Variants in ATF4 observed in about 807,000 individuals in gnomAD.
ATF4 encodes the protein activating transcription factor 4.
In ATF4, 8 loss-of-function variants were observed where a neutral mutation model predicts 21.0. The ratio of observed to expected loss-of-function variants is 0.38; its 90% CI spans 0.22 to 0.69. ATF4 has a LOEUF of 0.69. Ranked by LOEUF, ATF4 falls within the 30% of genes least tolerant of loss-of-function variation. The pLI, the probability that ATF4 is intolerant of heterozygous loss-of-function variation, is 0.49. For synonymous variants in ATF4, 241 were observed against 166.4 expected (o/e 1.45, Z -3.45); for missense variants, 549 against 425.9 (o/e 1.29, Z -2.54).
chr22:39,522,615 A>G lies in ATF4; in HGVS notation c.*13A>G. ...AAGGGTCCCCTAGTTGAGGATAGTCAGGAGCGTCAATGTGCTTGTACATAG... is the reference window on the plus strand; with the variant it reads ...AAGGGTCCCCTAGTTGAGGATAGTCGGGAGCGTCAATGTGCTTGTACATAG... On this transcript the variant is annotated 3_prime_UTR_variant, in exon 3 of 3. Transcript: ENST00000674920. 2.6e-6 allele frequency: 4 copies of G among 1,523,346 alleles called. No individual in the cohort carries two copies. Among genetic ancestry groups the G allele is most frequent in the Non-Finnish European group, 2.6e-6 (3 of 1,139,290 alleles). 94.4% of individuals were successfully genotyped at this position (1,523,346 alleles called of 1,614,324 possible).
In ATF4 at chr22:39,522,356, A is replaced by T. The variant is rs751431913; in HGVS notation, c.810A>T (p.Ala270=). 2 of 1,612,964 alleles carry T rather than the reference A, an allele frequency of 1.2e-6. No individual in the cohort carries two copies. Residue 270 remains alanine (A), a synonymous_variant, in exon 3 of 3, where the codon GCA becomes GCT. Transcript: ENST00000674920. ...PYDPPGEKMV[A]AKVKGEKLDK... is the part of the protein sequence containing the mutation. The stretch of plus-strand genomic sequence containing the variant: ...ATCCTCCTGGAGAGAAGATGGTAGC[A>T]GCAAAAGTAAAGGGTGAGAAACTGG...
chr22:39,521,603 A>C lies in ATF4; in HGVS notation c.158A>C (p.Lys53Thr), dbSNP rs1289630513. The C allele has an allele frequency of 2.5e-6, 4 of 1,614,122 alleles. No individual in the cohort carries two copies. Among genetic ancestry groups the C allele is most frequent in the South Asian group, 1.1e-5 (1 of 91,076 alleles). The part of the protein sequence containing the change: ...HFKPHGFSSD[K>T]AKAGSSEWLA... ...AAACCTCATGGGTTCTCCAGCGACA[A>C]GGCTAAGGCGGGCTCCTCCGAATGG... Residue 53 changes from lysine to threonine, a missense_variant, in exon 2 of 3, where the codon AAG becomes ACG. Physicochemically the swap from Lys to Thr is moderately conservative, Grantham distance 78. Coordinates refer to ENST00000674920, the MANE Select transcript of ATF4 (RefSeq NM_182810.3).
rs371466949 is a variant in ATF4, at chr22:39,521,402, C to T, written c.-44C>T. On this transcript the variant is annotated 5_prime_UTR_variant, in exon 2 of 3. Transcript: ENST00000674920. ...GCGTTGCTGTAACCGACAAAGACACCTTCGAATTAAGCACATTCCTCGATT... is the reference window on the plus strand; with the variant it reads ...GCGTTGCTGTAACCGACAAAGACACTTTCGAATTAAGCACATTCCTCGATT... The T allele has an allele frequency of 4.7e-6, 7 of 1,493,012 alleles. No homozygotes were observed. The highest frequency in any genetic ancestry group is 2.3e-5 in the East Asian group (1 of 43,776). The allele number at this position is 1,493,012 out of a possible 1,614,324, so 92.5% of individuals were successfully genotyped here. A position where few individuals can be genotyped will look rare whatever the true frequency, so the allele number is the denominator to read the frequency against.
chr22:39,521,775 G>T lies in ATF4; in HGVS notation c.229G>T (p.Asp77Tyr), dbSNP rs756172316. The T allele has an allele frequency of 6.2e-7, 1 of 1,613,834 alleles. No homozygotes were observed. The highest frequency in any genetic ancestry group is 1.7e-5 in the Admixed American group (1 of 60,016). The change falls in exon 3 of 3, where the codon GAT (aspartate) becomes TAT (tyrosine). Residue 77 changes from aspartate (D) to tyrosine (Y), a missense_variant and splice_region_variant. Physicochemically the swap from Asp to Tyr is radical, Grantham distance 160. Coordinates refer to ENST00000674920, the MANE Select transcript of ATF4 (RefSeq NM_182810.3). ...LVSPSNNSKE[D>Y]AFSGTDWMLE... ...CCCATCACTCAAATGTTTTGCAGAG[G>T]ATGCCTTCTCCGGGACAGATTGGAT...
At chr22:39,521,127 C>T in intron 1 of ATF4, 1 of 186,706 alleles carries the variant, frequency 5.4e-6, no homozygotes, top group Non-Finnish European at 1.1e-5. Context: ...CGTATTTGGA[C>T]GTGGGGACGG....
rs139408953 is a variant in ATF4, at chr22:39,522,196, A to C, written c.650A>C (p.Asn217Thr). 1 of 1,611,216 alleles carries C rather than the reference A, an allele frequency of 6.2e-7. No homozygotes were observed. The highest frequency in any genetic ancestry group is 1.1e-5 in the South Asian group (1 of 90,864). The change falls in exon 3 of 3, where the codon AAT becomes ACT. Residue 217 changes from asparagine (N) to threonine (T), a missense_variant. By Grantham distance (65) the Asn-to-Thr change is moderately conservative. Transcript: ENST00000674920. ...AAGGAGGAAGACACCCCTTCAGATAATGATAGTGGCATCTGTATGAGCCCA... is the reference window on the plus strand; with the variant it reads ...AAGGAGGAAGACACCCCTTCAGATACTGATAGTGGCATCTGTATGAGCCCA... ...CIKEEDTPSD[N>T]DSGICMSPES...
chr22:39,521,808 A>C lies in ATF4; in HGVS notation c.262A>C (p.Lys88Gln). The change falls in exon 3 of 3, where the codon AAA becomes CAA. Residue 88 changes from lysine (K) to glutamine (Q), a missense_variant. Lys to Gln is a moderately conservative substitution (Grantham distance 53, BLOSUM62 1). Coordinates refer to ENST00000674920, the MANE Select transcript of ATF4 (RefSeq NM_182810.3). ...CTCCGGGACAGATTGGATGTTGGAG[A>C]AAATGGATTTGAAGGAGTTCGACTT... ...AFSGTDWMLE[K>Q]MDLKEFDLDA... 1 of 1,614,068 alleles carries C rather than the reference A, an allele frequency of 6.2e-7. No individual in the cohort carries two copies. Among genetic ancestry groups the C allele is most frequent in the Non-Finnish European group, 8.5e-7 (1 of 1,179,940 alleles).
chr22:39,521,730 T>A, intron 2 of ATF4, 43 bp from the exon 3 acceptor site: 1 of 1,609,984 alleles, frequency 6.2e-7, no homozygotes. Context: ...CCTCCTACCT[T>A]TGTATCTGAC....
At position 39,521,831 on chromosome 22, in the gene ATF4, C is replaced by T. The variant is rs1930963669; in HGVS notation, c.285C>T (p.Asp95=). ...MLEKMDLKEF[D]LDALLGIDDL... is the part of the protein sequence containing the mutation. The stretch of plus-strand genomic sequence containing the variant: ...AGAAAATGGATTTGAAGGAGTTCGA[C>T]TTGGATGCCCTGTTGGGTATAGATG... Residue 95 remains aspartate, a synonymous_variant, in exon 3 of 3, where the codon GAC becomes GAT. Transcript: ENST00000674920. The T allele has an allele frequency of 2.5e-6, 4 of 1,614,070 alleles. No homozygotes were observed. The highest frequency in any genetic ancestry group is 1.3e-5 in the African/African-American group (1 of 74,942).
rs558004697 is a variant in ATF4, at chr22:39,522,497, C to T, written c.951C>T (p.Asn317=). The T allele has an allele frequency of 6.2e-6, 10 of 1,612,844 alleles. No individual in the cohort carries two copies. Among genetic ancestry groups the T allele is most frequent in the South Asian group, 3.3e-5 (3 of 90,912 alleles). The change falls in exon 3 of 3, where the codon AAC becomes AAT. Residue 317 remains asparagine, a synonymous_variant. Transcript: ENST00000674920. The part of the protein sequence containing the change: ...TGECKELEKK[N]EALKERADSL... ...AGTGCAAAGAGCTGGAAAAGAAGAACGAGGCTCTAAAAGAGAGGGCGGATT... is the reference window on the plus strand; with the variant it reads ...AGTGCAAAGAGCTGGAAAAGAAGAATGAGGCTCTAAAAGAGAGGGCGGATT...
chr22:39,521,813 G>A lies in ATF4; in HGVS notation c.267G>A (p.Met89Ile), dbSNP rs1318132577. The stretch of plus-strand genomic sequence containing the variant: ...GGACAGATTGGATGTTGGAGAAAAT[G>A]GATTTGAAGGAGTTCGACTTGGATG... ...FSGTDWMLEK[M>I]DLKEFDLDAL... is the part of the protein sequence containing the mutation. Residue 89 changes from methionine (M) to isoleucine (I), a missense_variant, in exon 3 of 3, where the codon ATG becomes ATA. By Grantham distance (10) the Met-to-Ile change is conservative (BLOSUM62 1). Coordinates refer to ENST00000674920, the MANE Select transcript of ATF4 (RefSeq NM_182810.3). 3.1e-6 allele frequency: 5 copies of A among 1,613,954 alleles called. No individual in the cohort carries two copies. Among genetic ancestry groups the A allele is most frequent in the Non-Finnish European group, 4.2e-6 (5 of 1,179,948 alleles).
In ATF4 at chr22:39,522,066, C is replaced by G. The variant is rs138640471; in HGVS notation, c.520C>G (p.Pro174Ala). Residue 174 changes from proline to alanine, a missense_variant, in exon 3 of 3, where the codon CCA becomes GCA. Physicochemically the swap from Pro to Ala is conservative, Grantham distance 27. Coordinates refer to ENST00000674920, the MANE Select transcript of ATF4 (RefSeq NM_182810.3). ...TTCCCCAGGGGTCCTGTCCTCCACT[C>G]CAGATCATTCCTTTAGTTTAGAGCT... The part of the protein sequence containing the change: ...PLSPGVLSST[P>A]DHSFSLELGS... 470 of 1,613,826 alleles carry G rather than the reference C, an allele frequency of 2.9e-4. No individual in the cohort carries two copies. The highest frequency in any genetic ancestry group is 3.8e-4 in the Non-Finnish European group (444 of 1,179,866).
Position 39,522,186 on chromosome 22 carries a change from C to T in ATF4, c.640C>T (p.Pro214Ser), listed in dbSNP as rs770355543. Residue 214 changes from proline to serine, a missense_variant, in exon 3 of 3, where the codon CCT becomes TCT. Physicochemically the swap from Pro to Ser is moderately conservative, Grantham distance 74. Transcript: ENST00000674920. ...IPQCIKEEDT[P>S]SDNDSGICMS... ...TCAGTGCATAAAGGAGGAAGACACC[C>T]CTTCAGATAATGATAGTGGCATCTG... is the stretch of plus-strand genomic sequence containing the variant. 1.4e-5 allele frequency: 22 copies of T among 1,611,772 alleles called. No individual in the cohort carries two copies. Among genetic ancestry groups the T allele is most frequent in the South Asian group, 8.8e-5 (8 of 90,924 alleles).
chr22:39,520,569 A>G lies in ATF4; in HGVS notation c.-275A>G, dbSNP rs1263769315. The G allele has an allele frequency of 6.6e-6, 1 of 152,430 alleles. No homozygotes were observed. The highest frequency in any genetic ancestry group is 2.4e-5 in the African/African-American group (1 of 41,324). 9.4% of individuals were successfully genotyped at this position (152,430 alleles called of 1,614,324 possible). A position where few individuals can be genotyped will look rare whatever the true frequency, so the allele number is the denominator to read the frequency against. On this transcript the variant is annotated 5_prime_UTR_variant, in exon 1 of 3. Coordinates refer to ENST00000674920, the MANE Select transcript of ATF4 (RefSeq NM_182810.3). ...GCGGGCGGCCACGGCAGCCATTTCTACTTTGCCCGCCCACAGATGTAGTTT... is the reference window on the plus strand; with the variant it reads ...GCGGGCGGCCACGGCAGCCATTTCTGCTTTGCCCGCCCACAGATGTAGTTT...
chr22:39,522,159 C>T lies in ATF4; in HGVS notation c.613C>T (p.Pro205Ser), dbSNP rs767122150. Residue 205 changes from proline (P) to serine (S), a missense_variant, in exon 3 of 3, where the codon CCT becomes TCT. Coordinates refer to ENST00000674920, the MANE Select transcript of ATF4 (RefSeq NM_182810.3). The part of the protein sequence containing the change: ...PDYTAYVAMI[P>S]QCIKEEDTPS... ...CTACACTGCTTACGTTGCCATGATCCCTCAGTGCATAAAGGAGGAAGACAC... is the reference window on the plus strand; with the variant it reads ...CTACACTGCTTACGTTGCCATGATCTCTCAGTGCATAAAGGAGGAAGACAC... 8 of 1,613,392 alleles carry T rather than the reference C, an allele frequency of 5.0e-6. No individual in the cohort carries two copies. The highest frequency in any genetic ancestry group is 2.2e-5 in the East Asian group (1 of 44,884).
rs1274549123 is a variant in ATF4, at chr22:39,521,524, G to A, written c.79G>A (p.Ala27Thr). 6 of 1,610,702 alleles carry A rather than the reference G, an allele frequency of 3.7e-6. No individual in the cohort carries two copies. The East Asian group carries it at 6.7e-5, about 18-fold the overall frequency. ...MSPFDQSGLG[A>T]EESLGLLDDY... ...CCCCTTCGACCAGTCGGGTTTGGGGGCTGAAGAAAGCCTAGGTCTCTTAGA... is the reference window on the plus strand; with the variant it reads ...CCCCTTCGACCAGTCGGGTTTGGGGACTGAAGAAAGCCTAGGTCTCTTAGA... The change falls in exon 2 of 3, where the codon GCT becomes ACT. Residue 27 changes from alanine to threonine, a missense_variant. By Grantham distance (58) the Ala-to-Thr change is moderately conservative. Transcript: ENST00000674920.
In ATF4 at chr22:39,522,469, G is replaced by C. The variant is rs1473200277; in HGVS notation, c.923G>C (p.Gly308Ala). 2.5e-6 allele frequency: 4 copies of C among 1,613,854 alleles called. No individual in the cohort carries two copies. The highest frequency in any genetic ancestry group is 3.4e-6 in the Non-Finnish European group (4 of 1,179,812). The change falls in exon 3 of 3, where the codon GGT (glycine) becomes GCT (alanine). Residue 308 changes from glycine (G) to alanine (A), a missense_variant. Physicochemically the swap from Gly to Ala is moderately conservative, Grantham distance 60. Transcript: ENST00000674920. The stretch of plus-strand genomic sequence containing the variant: ...AGGGCGGAGCAGGAGGCTCTTACTG[G>C]TGAGTGCAAAGAGCTGGAAAAGAAG... The part of the protein sequence containing the change: ...KKRAEQEALT[G>A]ECKELEKKNE...
In ATF4 at chr22:39,522,395, A is replaced by G. The variant is rs1321900735; in HGVS notation, c.849A>G (p.Lys283=). 11 of 1,612,878 alleles carry G rather than the reference A, an allele frequency of 6.8e-6. No individual in the cohort carries two copies. The East Asian group carries it at 2.2e-4, about 33-fold the overall frequency. ...VKGEKLDKKL[K]KMEQNKTAAT... Reference sequence around the variant, plus strand: ...GTGAGAAACTGGATAAGAAGCTGAAAAAAATGGAGCAAAACAAGACAGCAG... The same window carrying G: ...GTGAGAAACTGGATAAGAAGCTGAAGAAAATGGAGCAAAACAAGACAGCAG... Residue 283 remains lysine, a synonymous_variant, in exon 3 of 3, where the codon AAA becomes AAG. Coordinates refer to ENST00000674920, the MANE Select transcript of ATF4 (RefSeq NM_182810.3).
Position 39,521,634 on chromosome 22 carries a change from T to C in ATF4, c.189T>C (p.Ala63=). The change falls in exon 2 of 3, where the codon GCT becomes GCC. Residue 63 remains alanine, a synonymous_variant. Transcript: ENST00000674920. ...AGGCGGGCTCCTCCGAATGGCTGGC[T>C]GTGGATGGGTTGGTCAGTCCCTCCA... The part of the protein sequence containing the change: ...KAKAGSSEWL[A]VDGLVSPSNN... 1 of 1,614,146 alleles carries C rather than the reference T, an allele frequency of 6.2e-7. No individual in the cohort carries two copies. The highest frequency in any genetic ancestry group is 8.5e-7 in the Non-Finnish European group (1 of 1,180,014).
Sources: allele counts gnomAD v4.1 joint callset, GRCh38; gene constraint gnomAD v4.1.1; transcripts MANE v1.5; gene names NCBI Gene and HGNC (gene_info 2026-07-23, HGNC 2026-07-21).